The following RTN4 variants were observed in gnomAD, a reference collection of about 807,000 sequenced individuals.
RTN4 encodes reticulon-4.
RTN4 carries 32 observed loss-of-function variants against 90.4 expected under a neutral mutation model. The ratio of observed to expected loss-of-function variants is 0.35; its 90% CI spans 0.27 to 0.48. The LOEUF (loss-of-function observed/expected upper bound fraction) is 0.48. RTN4 is among the 20% of genes least tolerant of loss of function. RTN4 has a pLI of 0.99. For synonymous variants in RTN4, 629 were observed against 552.5 expected, an observed-to-expected ratio of 1.14 and a Z score of -1.94; for missense variants, 1,706 against 1,430.2, an observed-to-expected ratio of 1.19 and a Z score of -3.11.
rs1460454194 is a variant in RTN4, at chr2:55,070,518, C to G, written c.-63+9971G>C. 2.8e-5 allele frequency among the ~76,000 whole-genome samples: 4 copies of G among 142,280 alleles called. No individual in the cohort carries two copies. In the South Asian group the frequency reaches 8.9e-4, roughly 32 times the overall value. The allele number at this position is 142,280 out of a possible 152,430, so 93.3% of individuals were successfully genotyped here. On this transcript the variant is annotated intron_variant, in intron 2 of 3. Coordinates refer to the RTN4 transcript ENST00000427710. ...CTATGATCATGCCATTGCACTCCAG[C>G]CTGGGTGACTGAGCAAGACTCTGTC...
upstream of RTN4, among the ~76,000 whole-genome samples, chr2:55,113,721 C>G (rs1558885435): frequency 1.3e-5 from 2 of 152,156 alleles, no homozygotes; most frequent in Non-Finnish European, 2.9e-5. Context: ...CTAGAAGCAC[C>G]TATTACTCCT....
Position 55,027,051 on chromosome 2 carries a change from G to T in RTN4, c.1048C>A (p.Leu350Ile), listed in dbSNP as rs761583189. Reference protein sequence around the residue: ...LHNQQELPTALTKLVKEDEVV... With the variant: ...LHNQQELPTAITKLVKEDEVV... ...TCATCCTCTTTAACCAATTTAGTAAGAGCTGTAGGTAACTCTTGTTGATTA... is the reference window on the plus strand; with the variant it reads ...TCATCCTCTTTAACCAATTTAGTAATAGCTGTAGGTAACTCTTGTTGATTA... Residue 350 changes from leucine to isoleucine, a missense_variant, in exon 3 of 9, where the codon CTT becomes ATT. Leu to Ile is a conservative substitution (Grantham distance 5). Coordinates refer to ENST00000337526, the MANE Select transcript of RTN4 (RefSeq NM_020532.5). 1 of 1,613,348 alleles carries T rather than the reference G, an allele frequency of 6.2e-7. No homozygotes were observed. The highest frequency in any genetic ancestry group is 1.3e-5 in the African/African-American group (1 of 74,868).
intron 3 of RTN4, among the ~76,000 whole-genome samples, chr2:54,990,546 CCA>C (rs1678920254): frequency 6.6e-6 from 1 of 152,032 alleles, no homozygotes; most frequent in African/African-American, 2.4e-5. Flanking sequence ...GTTATTATTA[CCA>C]CAATCACAAT....
At chr2:55,044,326 G>C (rs1473396421) in intron 1 of RTN4, among the ~76,000 whole-genome samples, 2 of 152,146 alleles carry the variant, frequency 1.3e-5, no homozygotes, top group Admixed American at 6.5e-5. Context: ...AGGAGGTCAA[G>C]GGTATAGTGA....
rs1451981495 is a variant in RTN4, at chr2:54,974,705, T to G, written c.3420A>C (p.Leu1140=). 11 of 1,613,438 alleles carry G rather than the reference T, an allele frequency of 6.8e-6. No homozygotes were observed. In the East Asian group the frequency reaches 2.5e-4, roughly 36 times the overall value. The part of the protein sequence containing the change: ...YVGALFNGLT[L]LILALISLFS... Reference sequence around the variant, plus strand: ...GCTTTGTAGACTTACCCAAAATCAGTAGTGTCAGACCATTAAACAAGGCAC... The same window carrying G: ...GCTTTGTAGACTTACCCAAAATCAGGAGTGTCAGACCATTAAACAAGGCAC... Residue 1140 remains leucine (L), a synonymous_variant, in exon 6 of 9, where the codon CTA becomes CTC. Coordinates refer to ENST00000337526, the MANE Select transcript of RTN4 (RefSeq NM_020532.5).
chr2:55,006,010 G>C (rs1680193551), intron 3 of RTN4, among the ~76,000 whole-genome samples: 1 of 152,006 alleles, frequency 6.6e-6, no homozygotes, highest in South Asian at 2.1e-4. Flanking sequence ...GCAATAACCT[G>C]ATTTAACTAG....
At position 54,973,581 on chromosome 2, in the gene RTN4, A is replaced by C. The variant is rs763139019; in HGVS notation, c.3518T>G (p.Val1173Gly). ...DHYLGLANKNVKDAMAKIQAK... is the reference protein window; with the variant it reads ...DHYLGLANKNGKDAMAKIQAK... ...TACTTACTTAGCCATAGCATCTTTA[A>C]CATTCTTATTTGCAAGTCCTAGATA... is the stretch of plus-strand genomic sequence containing the variant. The change falls in exon 8 of 9, where the codon GTT becomes GGT. Residue 1173 changes from valine (V) to glycine (G), a missense_variant. Coordinates refer to ENST00000337526, the MANE Select transcript of RTN4 (RefSeq NM_020532.5). 1 of 1,609,800 alleles carries C rather than the reference A, an allele frequency of 6.2e-7. No homozygotes were observed. The highest frequency in any genetic ancestry group is 8.5e-7 in the Non-Finnish European group (1 of 1,176,154).
chr2:55,076,821 A>G (rs1247830925), intron 2 of RTN4, among the ~76,000 whole-genome samples: 1 of 152,086 alleles, frequency 6.6e-6, no homozygotes, highest in African/African-American at 2.4e-5. Context: ...GAGTTCTCAC[A>G]AGATCTGATG....
At position 55,020,722 on chromosome 2, in the gene RTN4, A is replaced by G. The variant is rs373069531; in HGVS notation, c.3013+4364T>C. Among the ~76,000 whole-genome samples, 29 of 152,326 alleles carry G rather than the reference A, an allele frequency of 1.9e-4. 2 individuals carry two copies. The South Asian group carries it at 5.4e-3, about 28-fold the overall frequency. On this transcript the variant is annotated intron_variant, in intron 3 of 8. Coordinates refer to ENST00000337526, the MANE Select transcript of RTN4 (RefSeq NM_020532.5). Reference sequence around the variant, plus strand: ...TACAAAATGTCATTTTAAGAAAACAAGAACAGGAAAGTCCTGGAGGCTCAC... The same window carrying G: ...TACAAAATGTCATTTTAAGAAAACAGGAACAGGAAAGTCCTGGAGGCTCAC...
At chr2:55,097,032 T>A (rs1289863997) in intron 1 of RTN4, among the ~76,000 whole-genome samples, 1 of 151,508 alleles carries the variant, frequency 6.6e-6, no homozygotes, top group East Asian at 1.9e-4. Context: ...TTAGGGGAGA[T>A]TATACTAAGA....
chr2:55,012,912 A>C (rs1196719299), intron 3 of RTN4, among the ~76,000 whole-genome samples: 8 of 152,224 alleles, frequency 5.3e-5, no homozygotes, highest in Admixed American at 5.2e-4. Context: ...TTAACAAGTC[A>C]AATAAAGAAA....
At chr2:55,133,346 C>T in the RTN4 span, among the ~76,000 whole-genome samples, 1 of 151,066 alleles carries the variant, frequency 6.6e-6, no homozygotes, top group Non-Finnish European at 1.5e-5. Context: ...TTGTCTTTTG[C>T]TTGTTTACTT....
chr2:54,995,414 A>T lies in RTN4; in HGVS notation c.3014-7716T>A, dbSNP rs567963265. Among the ~76,000 whole-genome samples, 161 of 152,248 alleles carry T rather than the reference A, an allele frequency of 1.1e-3. 1 individual carries two copies. The highest frequency in any genetic ancestry group is 1.6e-3 in the Non-Finnish European group (111 of 68,012). ...ATCAAGGAACAAATGTCTGCAAAGC[A>T]AATACTGTGGTAGGAGCACCTCCTA... On this transcript the variant is annotated intron_variant, in intron 3 of 8. Transcript: ENST00000337526.
intron 3 of RTN4, 135 bp from the exon 4 acceptor site, chr2:54,987,833 A>T (rs1678689701): frequency 7.2e-6 from 5 of 697,908 alleles, no homozygotes; most frequent in Non-Finnish European, 1.2e-5. Flanking sequence ...AAGTTAAAGA[A>T]ACACTAACTT....
At chr2:55,029,503 A>C (rs1160512221) in intron 1 of RTN4, among the ~76,000 whole-genome samples, 7 of 152,180 alleles carry the variant, frequency 4.6e-5, no homozygotes, top group Non-Finnish European at 1.0e-4. Flanking sequence ...TTTAACAGAG[A>C]GAACCTAATA....
intron 1 of RTN4, among the ~76,000 whole-genome samples, chr2:55,091,326 T>TTTC (rs1334736716): frequency 2.0e-5 from 3 of 152,196 alleles, no homozygotes; most frequent in African/African-American, 7.2e-5. Flanking sequence ...CACTGGGCCC[T>TTTC]TTCTTCCCAC....
intron 3 of RTN4, among the ~76,000 whole-genome samples, chr2:55,004,188 T>G (rs1025461556): frequency 6.6e-6 from 1 of 152,182 alleles, no homozygotes; most frequent in Non-Finnish European, 1.5e-5. Context: ...GACAGACAAC[T>G]GCCTGCCTTT....
At chr2:55,036,703 T>C (rs1682716917) in intron 1 of RTN4, among the ~76,000 whole-genome samples, 1 of 150,756 alleles carries the variant, frequency 6.6e-6, no homozygotes, top group African/African-American at 2.4e-5. Flanking sequence ...GGAAAAACCA[T>C]ATGATCATCT....
intron 2 of RTN4, among the ~76,000 whole-genome samples, chr2:55,057,801 T>C (rs1013193184): frequency 2.0e-5 from 3 of 152,010 alleles, no homozygotes; most frequent in Non-Finnish European, 4.4e-5. Context: ...CTGGGCAACA[T>C]AGCAAAAACC....
Sources: gnomAD v4.1 joint callset for allele counts (sites outside exome capture counted in the v4.1 genomes callset) on GRCh38, gnomAD v4.1.1 for gene constraint, MANE v1.5 for transcripts, NCBI Gene and HGNC (gene_info 2026-07-23, HGNC 2026-07-21) for gene names.